TOP2B: variants seen among roughly 807,000 people sequenced by gnomAD.
TOP2B encodes the protein DNA topoisomerase 2-beta.
Under a neutral mutation model 193.5 loss-of-function variants are expected in TOP2B, and 51 were observed. The observed-to-expected ratio is 0.26, with a 90% CI of 0.21 to 0.33. TOP2B has a LOEUF of 0.33. Ranked by LOEUF, TOP2B falls within the 10% of genes least tolerant of loss-of-function variation. The probability of loss-of-function intolerance (pLI) is 1.00; values close to 1 mark genes in which losing one functional copy is unlikely to be tolerated. For missense variants in TOP2B, 1,378 were observed against 1,909.3 expected, an observed-to-expected ratio of 0.72 and a Z score of 5.19; for synonymous variants, 634 against 635.7, an observed-to-expected ratio of 1.00 and a Z score of 0.04.
In TOP2B at chr3:25,632,430, T is replaced by A. The variant is rs781779492; in HGVS notation, c.1266+16A>T. The A allele has an allele frequency of 1.4e-5, 22 of 1,530,162 alleles. No individual in the cohort carries two copies. In the South Asian group the frequency reaches 1.6e-4, roughly 11 times the overall value. The allele number at this position is 1,530,162 out of a possible 1,614,324, so 94.8% of individuals were successfully genotyped here. A position where few individuals can be genotyped will look rare whatever the true frequency, so the allele number is the denominator to read the frequency against. On this transcript the variant is annotated intron_variant, in intron 10 of 35. Coordinates refer to ENST00000264331, the MANE Select transcript of TOP2B (RefSeq NM_001330700.2). ...CTCTTAATAACAACAATAAAAAAAA[T>A]ACAAGTTTTACTCACTGCTTTAAAA...
chr3:25,597,953 A>G (rs1490810504), downstream of TOP2B: 1 of 158,484 alleles, frequency 6.3e-6, no homozygotes, highest in African/African-American at 2.4e-5. Context: ...AGCTTTTACT[A>G]CACCTTTATC....
intron 21 of TOP2B, among the ~76,000 whole-genome samples, chr3:25,623,063 C>A (rs568921566): frequency 1.3e-5 from 2 of 152,272 alleles, no homozygotes; most frequent in South Asian, 2.1e-4. Flanking sequence ...CAGGTGTGAG[C>A]CACCACGCCC....
chr3:25,628,272 C>T (rs1388771601), intron 15 of TOP2B, among the ~76,000 whole-genome samples: 1 of 150,584 alleles, frequency 6.6e-6, no homozygotes, highest in Non-Finnish European at 1.5e-5. Context: ...ACTCAGGAGT[C>T]CAAGACCAGC....
Position 25,626,687 on chromosome 3 carries a change from T to G in TOP2B, c.2110-13A>C, listed in dbSNP as rs1031421491. The stretch of plus-strand genomic sequence containing the variant: ...CATATAAAAATTGCTAAGAGAAAAG[T>G]TATATAGCAATATTATCATTATTAC... On this transcript the variant is annotated splice_polypyrimidine_tract_variant and intron_variant, in intron 17 of 35. Coordinates refer to ENST00000264331, the MANE Select transcript of TOP2B (RefSeq NM_001330700.2). The G allele has an allele frequency of 2.7e-6, 4 of 1,508,330 alleles. No individual in the cohort carries two copies. Among genetic ancestry groups the G allele is most frequent in the Non-Finnish European group, 3.6e-6 (4 of 1,115,420 alleles). The allele number at this position is 1,508,330 out of a possible 1,614,324, so 93.4% of individuals were successfully genotyped here. A position where few individuals can be genotyped will look rare whatever the true frequency, so the allele number is the denominator to read the frequency against.
At chr3:25,622,176 C>T (rs1702674687) in intron 21 of TOP2B, among the ~76,000 whole-genome samples, 1 of 152,066 alleles carries the variant, frequency 6.6e-6, no homozygotes, top group Non-Finnish European at 1.5e-5. Context: ...CCACTTAGCA[C>T]AGTTTCATAC....
Position 25,601,170 on chromosome 3 carries a change from T to C in TOP2B, c.4545A>G (p.Lys1515=), listed in dbSNP as rs778268129. 6.2e-7 allele frequency: 1 copy of C among 1,613,836 alleles called. No homozygotes were observed. Among genetic ancestry groups the C allele is most frequent in the East Asian group, 2.2e-5 (1 of 44,876 alleles). ...AGTCAGAGTTTACAGCCTCTACTACTTTCTTCTGTTTTGGGGCTCTCTTGG... is the reference window on the plus strand; with the variant it reads ...AGTCAGAGTTTACAGCCTCTACTACCTTCTTCTGTTTTGGGGCTCTCTTGG... ...PKPKRAPKQK[K]VVEAVNSDSD... The change falls in exon 34 of 36, where the codon AAA becomes AAG. Residue 1515 remains lysine (K), a synonymous_variant. Coordinates refer to ENST00000264331, the MANE Select transcript of TOP2B (RefSeq NM_001330700.2).
chr3:25,631,933 A>T (rs1702970880), intron 10 of TOP2B, among the ~76,000 whole-genome samples: 1 of 152,060 alleles, frequency 6.6e-6, no homozygotes, highest in Admixed American at 6.6e-5. Context: ...CAAAGAGGAG[A>T]GGCTGTGATT....
intron 13 of TOP2B, 111 bp downstream of exon 13, chr3:25,629,918 G>GTATA (rs754765641): frequency 1.6e-4 from 178 of 1,145,716 alleles, no homozygotes; most frequent in Non-Finnish European, 2.1e-4. Flanking sequence ...TCCTCCTGAT[G>GTATA]TATAATCACT....
rs1267880131 is a variant in TOP2B, at chr3:25,604,855, T to C, written c.4394A>G (p.Asp1465Gly). The change falls in exon 33 of 36, where the codon GAC (aspartate) becomes GGC (glycine). Residue 1465 changes from aspartate to glycine, a missense_variant. Transcript: ENST00000264331. Reference protein sequence around the residue: ...QKSEDDSAKFDSNEEDSASVF... With the variant: ...QKSEDDSAKFGSNEEDSASVF... ...AGAAGCAGAATCTTCTTCATTACTG[T>C]CAAATTTAGCTGAATCTAAAAATTG... 1 of 1,612,332 alleles carries C rather than the reference T, an allele frequency of 6.2e-7. No homozygotes were observed. The highest frequency in any genetic ancestry group is 2.2e-5 in the East Asian group (1 of 44,690).
intron 33 of TOP2B, among the ~76,000 whole-genome samples, chr3:25,601,624 A>G (rs1559489758): frequency 6.6e-6 from 1 of 152,120 alleles, no homozygotes; most frequent in African/African-American, 2.4e-5. Flanking sequence ...AAAAAAAAAA[A>G]TTGAGTCGCC....
chr3:25,624,532 G>C, intron 19 of TOP2B, 87 bp from the exon 20 acceptor site: 1 of 1,548,110 alleles, frequency 6.5e-7, no homozygotes, highest in African/African-American at 1.4e-5. Flanking sequence ...TCCAAGTGAA[G>C]AATAAAGGCT....
chr3:25,651,958 C>T (rs1703604183), intron 1 of TOP2B, among the ~76,000 whole-genome samples: 1 of 151,448 alleles, frequency 6.6e-6, no homozygotes, highest in African/African-American at 2.4e-5. Context: ...GTTTACAAGA[C>T]ATCTGCTTCA....
At chr3:25,612,863 A>G (rs1702411691) in intron 27 of TOP2B, among the ~76,000 whole-genome samples, 154 bp from the exon 28 acceptor site, 1 of 152,220 alleles carries the variant, frequency 6.6e-6, no homozygotes, top group Non-Finnish European at 1.5e-5. Flanking sequence ...ATGGAAAAAA[A>G]ATAAAGAATT....
chr3:25,612,440 G>T, intron 28 of TOP2B, 75 bp downstream of exon 28: 2 of 1,055,440 alleles, frequency 1.9e-6, no homozygotes, highest in Non-Finnish European at 2.6e-6. Context: ...ATTTAAACAC[G>T]CATTAAAATT....
Position 25,601,183 on chromosome 3 carries a change from G to C in TOP2B, c.4532C>G (p.Pro1511Arg). The stretch of plus-strand genomic sequence containing the variant: ...AGCCTCTACTACTTTCTTCTGTTTT[G>C]GGGCTCTCTTGGGCTTAGGGACTGT... The part of the protein sequence containing the change: ...SDTVPKPKRA[P>R]KQKKVVEAVN... The change falls in exon 34 of 36, where the codon CCA (proline) becomes CGA (arginine). Residue 1511 changes from proline (P) to arginine (R), a missense_variant. By Grantham distance (103) the Pro-to-Arg change is moderately radical (BLOSUM62 -2). Transcript: ENST00000264331. 1 of 1,613,672 alleles carries C rather than the reference G, an allele frequency of 6.2e-7. No individual in the cohort carries two copies. Among genetic ancestry groups the C allele is most frequent in the South Asian group, 1.1e-5 (1 of 91,052 alleles).
Position 25,634,791 on chromosome 3 carries a change from A to AAAAAC in TOP2B, c.853-778_853-777insGTTTT, listed in dbSNP as rs1559502581. ...TATCTCCCTTACCAAAAAAAAAAAA[A>AAAAAC]AAAAAACCAAAAAAAGGCTTATTCT... On this transcript the variant is annotated intron_variant, in intron 7 of 35. Coordinates refer to ENST00000264331, the MANE Select transcript of TOP2B (RefSeq NM_001330700.2). Among the ~76,000 whole-genome samples the AAAAAC allele has an allele frequency of 5.1e-5, 7 of 138,470 alleles. 1 individual carries two copies. The highest frequency in any genetic ancestry group is 2.3e-4 in the South Asian group (1 of 4,436). The allele number at this position is 138,470 out of a possible 152,430, so 90.8% of individuals were successfully genotyped here.
At chr3:25,646,059 C>T (rs2125397945) in intron 1 of TOP2B, among the ~76,000 whole-genome samples, 1 of 151,868 alleles carries the variant, frequency 6.6e-6, no homozygotes, top group East Asian at 1.9e-4. Context: ...GTGTGAGCCA[C>T]CACACCTGGA....
chr3:25,627,660 C>G (rs1702840940), intron 15 of TOP2B, among the ~76,000 whole-genome samples: 2 of 152,154 alleles, frequency 1.3e-5, no homozygotes, highest in Non-Finnish European at 2.9e-5. Flanking sequence ...AACAACCCAA[C>G]TTCTTTAACA....
At chr3:25,639,501 T>C (rs1230206798) in intron 4 of TOP2B, among the ~76,000 whole-genome samples, 1 of 152,156 alleles carries the variant, frequency 6.6e-6, no homozygotes, top group Non-Finnish European at 1.5e-5. Context: ...AGACACGGGG[T>C]TTCACCATGT....
Sources: allele counts gnomAD v4.1 joint callset (sites outside exome capture counted in the v4.1 genomes callset), GRCh38; gene constraint gnomAD v4.1.1; transcripts MANE v1.5; gene names NCBI Gene and HGNC (gene_info 2026-07-23, HGNC 2026-07-21).